CRADD: variants seen among roughly 807,000 people sequenced by gnomAD.
CRADD encodes CARD and death domain containing adaptor protein.
In CRADD, 9 loss-of-function variants were observed where a neutral mutation model predicts 15.5. That is an observed-to-expected ratio of 0.58 (90% CI 0.35 to 1.01). The LOEUF is 1.01. CRADD is among the 50% of genes least tolerant of loss of function. CRADD has a pLI of 0.02. For missense variants in CRADD, 227 were observed against 250.3 expected (o/e 0.91, Z 0.63); for synonymous variants, 118 against 107.6 (o/e 1.10, Z -0.60).
intron 2 of CRADD, among the ~76,000 whole-genome samples, chr12:93,694,871 A>G (rs1372535987): frequency 1.3e-5 from 2 of 152,176 alleles, no homozygotes; most frequent in Admixed American, 6.5e-5. Context: ...TAATACTGTT[A>G]AAATGTCCAT....
chr12:93,725,111 T>C (rs1956333522), intron 2 of CRADD, among the ~76,000 whole-genome samples: 2 of 152,224 alleles, frequency 1.3e-5, no homozygotes, highest in East Asian at 1.9e-4. Context: ...TCGCCTGCCT[T>C]GGCCTCCCAA....
chr12:93,829,815 C>A (rs1957869723), intron 2 of CRADD, among the ~76,000 whole-genome samples: 1 of 152,080 alleles, frequency 6.6e-6, no homozygotes, highest in Non-Finnish European at 1.5e-5. Context: ...GCCTCAGGCT[C>A]CTGAGTAGCT....
chr12:93,888,814 T>G (rs1306749831), intron 2 of CRADD, among the ~76,000 whole-genome samples: 4 of 152,124 alleles, frequency 2.6e-5, no homozygotes, highest in African/African-American at 9.7e-5. Flanking sequence ...CATCTTGAGA[T>G]TGTTGTCAGA....
intron 2 of CRADD, among the ~76,000 whole-genome samples, chr12:93,734,162 CCCATCCATCCGTCCATCCAT>C (rs1354934525): frequency 1.3e-5 from 2 of 151,920 alleles, no homozygotes; most frequent in Admixed American, 6.6e-5. Flanking sequence ...GTCCATCCAT[CCCATCCATCCGTCCATCCAT>C]CCATCCATCC....
chr12:93,880,602 G>A (rs1320112254), intron 2 of CRADD, among the ~76,000 whole-genome samples: 1 of 152,108 alleles, frequency 6.6e-6, no homozygotes, highest in Non-Finnish European at 1.5e-5. Context: ...TGCCACTTTT[G>A]AAGCATGTGA....
intron 2 of CRADD, among the ~76,000 whole-genome samples, chr12:93,741,219 TTAAGA>T (rs1956661753): frequency 6.6e-6 from 1 of 152,234 alleles, no homozygotes; most frequent in Non-Finnish European, 1.5e-5. Context: ...CTGCATTGCT[TTAAGA>T]TGAGTTTTAT....
downstream of CRADD, among the ~76,000 whole-genome samples, chr12:93,854,534 C>G (rs192775789): frequency 6.6e-6 from 1 of 152,130 alleles, no homozygotes; most frequent in African/African-American, 2.4e-5. Flanking sequence ...GAGAGAGGAG[C>G]GGAATAATTT....
chr12:93,835,068 C>A (rs749942086), intron 2 of CRADD, among the ~76,000 whole-genome samples: 50 of 152,220 alleles, frequency 3.3e-4, no homozygotes, highest in Non-Finnish European at 5.6e-4. Context: ...CTGGCCCCCC[C>A]ATTGGTATGC....
chr12:93,718,856 C>CTGAAG (rs1386271698), intron 2 of CRADD, among the ~76,000 whole-genome samples: 1 of 151,752 alleles, frequency 6.6e-6, no homozygotes, highest in Non-Finnish European at 1.5e-5. Flanking sequence ...ATCTCATGGG[C>CTGAAG]TGAAGTAATC....
intron 2 of CRADD, among the ~76,000 whole-genome samples, chr12:93,872,975 C>T (rs1390316199): frequency 2.0e-5 from 3 of 151,782 alleles, no homozygotes; most frequent in Non-Finnish European, 4.4e-5. Flanking sequence ...GAGTTTGCAT[C>T]GAATCTGTAG....
chr12:93,745,682 T>C (rs1162302603), intron 2 of CRADD, among the ~76,000 whole-genome samples: 1 of 152,230 alleles, frequency 6.6e-6, no homozygotes, highest in Non-Finnish European at 1.5e-5. Flanking sequence ...GTAGGTAAGG[T>C]ACTTCTGTTG....
At chr12:93,875,330 G>A (rs905965573) in intron 2 of CRADD, among the ~76,000 whole-genome samples, 6 of 151,874 alleles carry the variant, frequency 4.0e-5, no homozygotes, top group African/African-American at 9.7e-5. Flanking sequence ...ACATATTAAT[G>A]GGTCTTGTTT....
At position 93,850,111 on chromosome 12, in the gene CRADD, G is replaced by A. The variant is rs766485227; in HGVS notation, c.440G>A (p.Arg147His). The change falls in exon 3 of 3, where the codon CGC (arginine) becomes CAC (histidine). Residue 147 changes from arginine (R) to histidine (H), a missense_variant. By Grantham distance (29) the Arg-to-His change is conservative (BLOSUM62 0). Coordinates refer to ENST00000332896, the MANE Select transcript of CRADD (RefSeq NM_003805.5). This position sits in a 1 kb window ranked among gnomAD's most constrained non-coding sequence, Gnocchi z 4.0. Reference sequence around the variant, plus strand: ...GGACTGTCCCAGACGGATATCTACCGCTGTAAGGCCAACCACCCCCACAAC... The same window carrying A: ...GGACTGTCCCAGACGGATATCTACCACTGTAAGGCCAACCACCCCCACAAC... ...SLGLSQTDIY[R>H]CKANHPHNVQ... 23 of 1,613,972 alleles carry A rather than the reference G, an allele frequency of 1.4e-5. No individual in the cohort carries two copies. Among genetic ancestry groups the A allele is most frequent in the Admixed American group, 3.3e-5 (2 of 60,002 alleles).
intron 2 of CRADD, among the ~76,000 whole-genome samples, chr12:93,753,275 C>A (rs1239129962): frequency 6.6e-6 from 1 of 152,144 alleles, no homozygotes; most frequent in East Asian, 1.9e-4. Flanking sequence ...AATTACCTCC[C>A]ACTGGGTCCC....
exon 3 of CRADD, chr12:93,894,153 C>T (rs2137082349): frequency 1.4e-6 from 1 of 702,430 alleles, no homozygotes; most frequent in South Asian, 1.5e-5. Flanking sequence ...CACCCCAGAC[C>T]CTACCCTCTT....
At chr12:93,725,103 G>A (rs1250158981) in intron 2 of CRADD, among the ~76,000 whole-genome samples, 3 of 151,946 alleles carry the variant, frequency 2.0e-5, no homozygotes, top group African/African-American at 4.8e-5. Flanking sequence ...CTCGTGATTC[G>A]CCTGCCTTGG....
At chr12:93,848,093 C>A (rs1958153710) in intron 2 of CRADD, among the ~76,000 whole-genome samples, 1 of 151,992 alleles carries the variant, frequency 6.6e-6, no homozygotes, top group African/African-American at 2.4e-5. Context: ...CAACTGTAAA[C>A]ACAATAGCGG....
chr12:93,873,864 G>A (rs1005726503), intron 2 of CRADD, among the ~76,000 whole-genome samples: 1 of 151,784 alleles, frequency 6.6e-6, no homozygotes, highest in Non-Finnish European at 1.5e-5. Context: ...ATATTGGCCT[G>A]TAGTTTTTTG....
chr12:93,754,024 T>C (rs1956860733), intron 2 of CRADD, among the ~76,000 whole-genome samples: 1 of 152,272 alleles, frequency 6.6e-6, no homozygotes, highest in Non-Finnish European at 1.5e-5. Context: ...GCAGCATACC[T>C]CTGCCTGGAC....
Sources: gnomAD v4.1 joint callset for allele counts (sites outside exome capture counted in the v4.1 genomes callset) on GRCh38, gnomAD v4.1.1 for gene constraint, Gnocchi (gnomAD v3.1) non-coding constraint, MANE v1.5 for transcripts, NCBI Gene and HGNC (gene_info 2026-07-23, HGNC 2026-07-21) for gene names.